SPRED2: variants seen among roughly 807,000 people sequenced by gnomAD.
The protein encoded by SPRED2 is sprouty related EVH1 domain containing 2.
A neutral mutation model predicts 43.0 loss-of-function variants in SPRED2; 47 were observed. That is an observed-to-expected ratio of 1.09 (90% CI 0.87 to 1.40). The LOEUF (loss-of-function observed/expected upper bound fraction) is 1.40. Among genes scored for constraint, SPRED2 ranks in the 40% most tolerant of loss-of-function variants. The probability of loss-of-function intolerance (pLI) is 0.00; values close to 1 mark genes in which losing one functional copy is unlikely to be tolerated. For synonymous variants in SPRED2, 225 were observed against 225.7 expected (o/e 1.00, Z 0.03); for missense variants, 561 against 586.4 (o/e 0.96, Z 0.45).
intron 1 of SPRED2, among the ~76,000 whole-genome samples, chr2:65,411,103 T>C (rs1298401965): frequency 2.0e-5 from 3 of 152,252 alleles, no homozygotes; most frequent in Non-Finnish European, 4.4e-5. Flanking sequence ...ATAATCATCA[T>C]CTGCTGCAGC....
At chr2:65,431,416 G>C (rs1036367766) in intron 1 of SPRED2, among the ~76,000 whole-genome samples, 1 of 151,744 alleles carries the variant, frequency 6.6e-6, no homozygotes, top group Non-Finnish European at 1.5e-5. Flanking sequence ...CCAGACCCCC[G>C]CGCAGCCCGC....
At position 65,399,738 on chromosome 2, in the gene SPRED2, T is replaced by C. The variant is rs529656467; in HGVS notation, c.26+32224A>G. Among the ~76,000 whole-genome samples the C allele has an allele frequency of 3.3e-5, 5 of 152,146 alleles. No individual in the cohort carries two copies. In the South Asian group the frequency reaches 1.0e-3, roughly 32 times the overall value. On this transcript the variant is annotated intron_variant, in intron 1 of 5. Transcript: ENST00000356388. The stretch of plus-strand genomic sequence containing the variant: ...CTCAGGAATGGAAAACCAAACATCA[T>C]ATATTCTCACTCATATGTGGGAGCT...
At chr2:65,354,515 G>C (rs1463236321) in intron 1 of SPRED2, among the ~76,000 whole-genome samples, 3 of 150,790 alleles carry the variant, frequency 2.0e-5, no homozygotes, top group Non-Finnish European at 4.4e-5. Context: ...CACAGGAAAA[G>C]AGTGATTTGG....
At chr2:65,426,454 A>G (rs1313161231) in intron 1 of SPRED2, among the ~76,000 whole-genome samples, 1 of 152,238 alleles carries the variant, frequency 6.6e-6, no homozygotes, top group Admixed American at 6.5e-5. Flanking sequence ...CAACAACTAG[A>G]AAACTAGGCA....
chr2:65,336,347 A>G (rs1465880334), intron 2 of SPRED2, among the ~76,000 whole-genome samples: 2 of 152,162 alleles, frequency 1.3e-5, no homozygotes, highest in African/African-American at 4.8e-5. Context: ...ACAGAGTGAG[A>G]CTCTGTCTCA....
rs1673054639 is a variant in SPRED2, at chr2:65,311,034, A to G, written c.*2467T>C. ...AAATCAATACAACAGGGTTTTTAGTATACAGGTAAAGAATGAATTATGCTT... is the reference window on the plus strand; with the variant it reads ...AAATCAATACAACAGGGTTTTTAGTGTACAGGTAAAGAATGAATTATGCTT... On this transcript the variant is annotated 3_prime_UTR_variant, in exon 6 of 6. Coordinates refer to ENST00000356388, the MANE Select transcript of SPRED2 (RefSeq NM_181784.3). The G allele has an allele frequency of 1.4e-5, 14 of 985,196 alleles. No homozygotes were observed. In the South Asian group the frequency reaches 2.4e-4, roughly 17 times the overall value. 61.0% of individuals were successfully genotyped at this position (985,196 alleles called of 1,614,324 possible). A position where few individuals can be genotyped will look rare whatever the true frequency, so the allele number is the denominator to read the frequency against.
In SPRED2 at chr2:65,370,320, G is replaced by T. The variant is rs532669319; in HGVS notation, c.27-25424C>A. Reference sequence around the variant, plus strand: ...ACATACAGAACACTCATCAATTTATGTGAACAACGACAATGATTATTAGTA... The same window carrying T: ...ACATACAGAACACTCATCAATTTATTTGAACAACGACAATGATTATTAGTA... On this transcript the variant is annotated intron_variant, in intron 1 of 5. Coordinates refer to ENST00000356388, the MANE Select transcript of SPRED2 (RefSeq NM_181784.3). Among the ~76,000 whole-genome samples the T allele has an allele frequency of 6.8e-3, 719 of 105,126 alleles. 5 individuals are homozygous for T. Among genetic ancestry groups the T allele is most frequent in the African/African-American group, 0.024 (670 of 28,492 alleles). The allele number at this position is 105,126 out of a possible 152,430, so 69.0% of individuals were successfully genotyped here. A position where few individuals can be genotyped will look rare whatever the true frequency, so the allele number is the denominator to read the frequency against.
At chr2:65,386,446 G>A (rs910738117) in intron 1 of SPRED2, among the ~76,000 whole-genome samples, 7 of 152,100 alleles carry the variant, frequency 4.6e-5, no homozygotes, top group African/African-American at 1.2e-4. Flanking sequence ...GCCAGGTCAC[G>A]TCCTCTCTAT....
chr2:65,411,893 C>T (rs1217248968), intron 1 of SPRED2, among the ~76,000 whole-genome samples: 2 of 151,918 alleles, frequency 1.3e-5, no homozygotes, highest in Non-Finnish European at 2.9e-5. Context: ...CTTTGGGGGC[C>T]GAGGCAGGCG....
At position 65,432,203 on chromosome 2, in the gene SPRED2, G is replaced by A. The variant is rs1260342891; in HGVS notation, c.-216C>T. The stretch of plus-strand genomic sequence containing the variant: ...AAGGCAGGCTGCGCGGGGAGTGAAC[G>A]CCGCAGCGCCGTGGGGAGAGGCGGG... On this transcript the variant is annotated 5_prime_UTR_variant, in exon 1 of 6. Coordinates refer to ENST00000356388, the MANE Select transcript of SPRED2 (RefSeq NM_181784.3). The A allele has an allele frequency of 5.0e-6, 3 of 596,458 alleles. No individual in the cohort carries two copies. The highest frequency in any genetic ancestry group is 2.0e-5 in the South Asian group (1 of 50,772). 36.9% of individuals were successfully genotyped at this position (596,458 alleles called of 1,614,324 possible).
intron 1 of SPRED2, among the ~76,000 whole-genome samples, chr2:65,359,901 C>A (rs766603374): frequency 4.0e-5 from 6 of 151,820 alleles, no homozygotes; most frequent in Non-Finnish European, 8.8e-5. Flanking sequence ...TCCGTCTCTA[C>A]TAAAAGTACA....
At chr2:65,378,552 A>G (rs1479052936) in intron 1 of SPRED2, among the ~76,000 whole-genome samples, 1 of 152,174 alleles carries the variant, frequency 6.6e-6, no homozygotes, top group Non-Finnish European at 1.5e-5. Flanking sequence ...CACGGTAAAA[A>G]GGAAAAAGAG....
At position 65,431,837 on chromosome 2, in the gene SPRED2, A is replaced by G. The variant is rs867289840; in HGVS notation, c.26+125T>C. 44 of 1,179,702 alleles carry G rather than the reference A, an allele frequency of 3.7e-5. 1 individual carries two copies. The Middle Eastern group carries it at 2.0e-3, about 54-fold the overall frequency. 73.1% of individuals were successfully genotyped at this position (1,179,702 alleles called of 1,614,324 possible). On this transcript the variant is annotated intron_variant, in intron 1 of 5. Coordinates refer to ENST00000356388, the MANE Select transcript of SPRED2 (RefSeq NM_181784.3). ...GGGAAGCCTCGCGTCCCAACGCCGAAAGGTCAGCGAGTCGCTGCACCCCAC... is the reference window on the plus strand; with the variant it reads ...GGGAAGCCTCGCGTCCCAACGCCGAGAGGTCAGCGAGTCGCTGCACCCCAC...
intron 4 of SPRED2, among the ~76,000 whole-genome samples, chr2:65,325,139 T>G (rs1273098519): frequency 6.6e-6 from 1 of 152,172 alleles, no homozygotes; most frequent in Non-Finnish European, 1.5e-5. Flanking sequence ...TCTTCCTTCT[T>G]CTTAGGGAGG....
At chr2:65,317,497 A>G (rs1371514395) in intron 4 of SPRED2, among the ~76,000 whole-genome samples, 1 of 151,178 alleles carries the variant, frequency 6.6e-6, no homozygotes, top group Admixed American at 6.6e-5. Flanking sequence ...TGGGTGACAG[A>G]GCAAGACTCC....
intron 2 of SPRED2, among the ~76,000 whole-genome samples, chr2:65,340,742 C>T (rs1016312839): frequency 6.6e-6 from 1 of 152,204 alleles, no homozygotes; most frequent in Non-Finnish European, 1.5e-5. Context: ...CAAACTCCCA[C>T]AATGTGCTGA....
chr2:65,397,123 T>C (rs896575529), intron 1 of SPRED2, among the ~76,000 whole-genome samples: 1 of 152,196 alleles, frequency 6.6e-6, no homozygotes, highest in Non-Finnish European at 1.5e-5. Flanking sequence ...GAAAAAGATT[T>C]GACTTTTCTC....
rs1243375319 is a variant in SPRED2, at chr2:65,360,064, C to CAA, written c.27-15170_27-15169dup. 9.5e-3 allele frequency among the ~76,000 whole-genome samples: 408 copies of CAA among 43,076 alleles called. 4 individuals carry two copies. Among genetic ancestry groups the CAA allele is most frequent in the African/African-American group, 0.022 (282 of 12,726 alleles). 28.3% of individuals were successfully genotyped at this position (43,076 alleles called of 152,430 possible). A position where few individuals can be genotyped will look rare whatever the true frequency, so the allele number is the denominator to read the frequency against. The stretch of plus-strand genomic sequence containing the variant: ...TGGGCGACAGAGCGAGACTCCATCT[C>CAA]AAAAAAAAAAAAAACAAAAAAAAAC... On this transcript the variant is annotated intron_variant, in intron 1 of 5. Transcript: ENST00000356388.
intron 1 of SPRED2, among the ~76,000 whole-genome samples, chr2:65,403,791 G>A (rs1675959788): frequency 6.6e-6 from 1 of 152,186 alleles, no homozygotes; most frequent in Admixed American, 6.5e-5. Flanking sequence ...TGGTCTGAAA[G>A]GCCTAGACCT....
Sources: gnomAD v4.1 joint callset for allele counts (sites outside exome capture counted in the v4.1 genomes callset) on GRCh38, gnomAD v4.1.1 for gene constraint, MANE v1.5 for transcripts, NCBI Gene and HGNC (gene_info 2026-07-23, HGNC 2026-07-21) for gene names.